The following KDM5D variants were observed in gnomAD, a reference collection of about 807,000 sequenced individuals.
KDM5D encodes lysine demethylase 5D, also known as lysine-specific demethylase 5D.
A neutral mutation model predicts 31.9 loss-of-function variants in KDM5D; 25 were observed. The ratio of observed to expected loss-of-function variants is 0.78; its 90% CI spans 0.57 to 1.09. KDM5D has a LOEUF of 1.09. KDM5D is among the 50% of genes least tolerant of loss of function. KDM5D has a pLI of 0.00. For missense variants in KDM5D, 366 were observed against 341.6 expected (o/e 1.07, Z -0.56); for synonymous variants, 146 against 122.3 (o/e 1.19, Z -1.28).
At chrY:19,731,479 A>C (rs948913389) in intron 11 of KDM5D, among the ~76,000 whole-genome samples, 9 of 33,636 alleles carry the variant, frequency 2.7e-4, no homozygotes, top group African/African-American at 9.3e-4. Flanking sequence ...AAAGATGGTA[A>C]GCTTCCAATA....
chrY:19,722,608 A>G (rs2045401724), intron 11 of KDM5D: 1 of 32,843 alleles, frequency 3.0e-5, no homozygotes, highest in Non-Finnish European at 7.4e-5. Context: ...CGACCTACAG[A>G]ATGGAAAAAT....
At chrY:19,731,366 G>A (rs2045470153) in intron 11 of KDM5D, among the ~76,000 whole-genome samples, 1 of 32,990 alleles carries the variant, frequency 3.0e-5, no homozygotes, top group East Asian at 8.1e-4. Flanking sequence ...GCATTACTCC[G>A]TATGTTCGAC....
intron 18 of KDM5D, among the ~76,000 whole-genome samples, chrY:19,713,772 G>A (rs755065082): frequency 6.0e-5 from 2 of 33,338 alleles, no homozygotes; most frequent in African/African-American, 2.4e-4. Context: ...CAGAAATACC[G>A]TTTGACCCAG....
intron 6 of KDM5D, among the ~76,000 whole-genome samples, chrY:19,736,146 T>C: frequency 3.0e-5 from 1 of 33,218 alleles, no homozygotes; most frequent in Non-Finnish European, 7.4e-5. Context: ...TAAACTCATA[T>C]CATTAGAATC....
intron 18 of KDM5D, among the ~76,000 whole-genome samples, chrY:19,713,016 C>T (rs2045309441): frequency 8.9e-5 from 3 of 33,674 alleles, no homozygotes; most frequent in Non-Finnish European, 2.2e-4. Context: ...AATGAGGATG[C>T]GTACCTACAA....
At chrY:19,742,563 G>A in intron 3 of KDM5D, among the ~76,000 whole-genome samples, 1 of 34,469 alleles carries the variant, frequency 2.9e-5, no homozygotes, top group East Asian at 7.6e-4. Flanking sequence ...AGGGGCTTAC[G>A]CCGGTAACCC....
At chrY:19,739,448 G>A in intron 6 of KDM5D, 80 bp downstream of exon 6, 1 of 253,357 alleles carries the variant, frequency 3.9e-6, no homozygotes, top group South Asian at 3.7e-5. Flanking sequence ...AATGCATTCA[G>A]CAATGAATTT....
At chrY:19,710,079 G>A (rs758545748) in intron 19 of KDM5D, 1 of 355,419 alleles carries the variant, frequency 2.8e-6, no homozygotes, top group African/African-American at 7.0e-5. Context: ...AGACTCTGGT[G>A]TCTGGAGGGA....
chrY:19,706,155 G>C lies in KDM5D; in HGVS notation c.4460C>G (p.Ala1487Gly). The stretch of plus-strand genomic sequence containing the variant: ...TGTCAGGAACATATTTTCACGGTCT[G>C]CTTTCTCCTGATAATGTTCTTCTTC... ...GREEEHYQEK[A>G]DRENMFLTPS... Residue 1487 changes from alanine (A) to glycine (G), a missense_variant, in exon 27 of 27, where the codon GCA becomes GGA. Ala to Gly is a moderately conservative substitution (Grantham distance 60, BLOSUM62 0). Coordinates refer to ENST00000317961, the MANE Select transcript of KDM5D (RefSeq NM_004653.5). The C allele has an allele frequency of 2.5e-6, 1 of 395,676 alleles. No homozygotes were observed.
intron 11 of KDM5D, among the ~76,000 whole-genome samples, chrY:19,730,428 A>C (rs1045963980): frequency 3.0e-5 from 1 of 33,168 alleles, no homozygotes; most frequent in Non-Finnish European, 7.5e-5. Context: ...TATACCGACA[A>C]AAGGACTTGT....
intron 6 of KDM5D, among the ~76,000 whole-genome samples, chrY:19,736,746 A>G: frequency 6.1e-5 from 2 of 32,879 alleles, no homozygotes; most frequent in African/African-American, 2.4e-4. Context: ...GCTAAACTAA[A>G]CTATACCTTT....
intron 5 of KDM5D, among the ~76,000 whole-genome samples, 173 bp downstream of exon 5, chrY:19,741,145 T>A: frequency 3.0e-5 from 1 of 33,313 alleles, no homozygotes; most frequent in Non-Finnish European, 7.4e-5. Context: ...AATAAAACTA[T>A]GCCACATAAA....
At chrY:19,710,225 T>C (rs1321932915) in intron 19 of KDM5D, 151 bp downstream of exon 19, 3 of 374,442 alleles carry the variant, frequency 8.0e-6, no homozygotes, top group East Asian at 1.0e-4. Flanking sequence ...AGAGATGGTA[T>C]GGGAACACAT....
intron 11 of KDM5D, among the ~76,000 whole-genome samples, chrY:19,727,541 T>C (rs1603545929): frequency 3.0e-5 from 1 of 33,482 alleles, no homozygotes; most frequent in Non-Finnish European, 7.4e-5. Context: ...ATACATGTTG[T>C]TCAAAGAAAT....
Position 19,706,358 on chromosome Y carries a change from C to T in KDM5D, c.4270-13G>A, listed in dbSNP as rs761534337. On this transcript the variant is annotated splice_polypyrimidine_tract_variant and intron_variant, in intron 26 of 26. Coordinates refer to ENST00000317961, the MANE Select transcript of KDM5D (RefSeq NM_004653.5). ...CAAATTTTTCCAGCTGCAATCATAC[C>T]CACACAAGGCGAAAAACGTCAGTAC... The T allele has an allele frequency of 2.6e-6, 1 of 385,622 alleles. No homozygotes were observed. The highest frequency in any genetic ancestry group is 6.3e-5 in the African/African-American group (1 of 15,909).
chrY:19,711,330 T>C (rs2045296843), intron 18 of KDM5D, among the ~76,000 whole-genome samples: 1 of 33,170 alleles, frequency 3.0e-5, no homozygotes, highest in East Asian at 7.8e-4. Flanking sequence ...AATTTTAAGT[T>C]TCCATGTTTT....
At chrY:19,712,854 G>T (rs573812038) in intron 18 of KDM5D, among the ~76,000 whole-genome samples, 12 of 34,904 alleles carry the variant, frequency 3.4e-4, no homozygotes, top group African/African-American at 8.9e-4. Flanking sequence ...TATGAGGAAA[G>T]AAAATATTTT....
chrY:19,736,243 T>C, intron 6 of KDM5D, among the ~76,000 whole-genome samples: 2 of 33,433 alleles, frequency 6.0e-5, no homozygotes, highest in Admixed American at 5.5e-4. Context: ...ATGCCACATA[T>C]ATTATATACC....
At chrY:19,722,599 G>A in intron 11 of KDM5D, 2 of 31,715 alleles carry the variant, frequency 6.3e-5, no homozygotes, top group Non-Finnish European at 1.5e-4. Flanking sequence ...ATAAGGCAAC[G>A]ACCTACAGAA....
Sources: allele counts gnomAD v4.1 joint callset (sites outside exome capture counted in the v4.1 genomes callset), GRCh38; gene constraint gnomAD v4.1.1; transcripts MANE v1.5; gene names NCBI Gene and HGNC (gene_info 2026-07-23, HGNC 2026-07-21).